The following TEX11 variants were observed in gnomAD, a reference collection of about 807,000 sequenced individuals.
TEX11 encodes the protein testis-expressed protein 11.
TEX11 carries 7 observed loss-of-function variants against 84.4 expected under a neutral mutation model. That is an observed-to-expected ratio of 0.08 (90% CI 0.05 to 0.16). TEX11 has a LOEUF of 0.16. Ranked by LOEUF, TEX11 falls within the 10% of genes least tolerant of loss-of-function variation. The pLI, the probability that TEX11 is intolerant of heterozygous loss-of-function variation, is 1.00. For synonymous variants in TEX11, 264 were observed against 222.8 expected (o/e 1.18, Z -1.64); for missense variants, 551 against 660.5 (o/e 0.83, Z 1.82).
At chrX:70,778,906 T>C (rs1020409314) in intron 9 of TEX11, among the ~76,000 whole-genome samples, 1 of 110,709 alleles carries the variant, frequency 9.0e-6, no homozygotes, top group Non-Finnish European at 1.9e-5. Context: ...GGTCAATGAA[T>C]AACTTAAAAG....
intron 2 of TEX11, among the ~76,000 whole-genome samples, chrX:70,893,423 A>G (rs2091749983): frequency 8.9e-6 from 1 of 112,100 alleles, no homozygotes; most frequent in Non-Finnish European, 1.9e-5. Context: ...AAACTCACTC[A>G]AAACCACACA....
chrX:70,723,657 C>T (rs1456123902), intron 12 of TEX11, among the ~76,000 whole-genome samples: 2 of 111,655 alleles, frequency 1.8e-5, no homozygotes, highest in East Asian at 5.6e-4. Context: ...AACAAATATT[C>T]CTGCTGTCAA....
At chrX:70,752,012 A>C (rs1287000676) in intron 9 of TEX11, among the ~76,000 whole-genome samples, 1 of 112,526 alleles carries the variant, frequency 8.9e-6, no homozygotes, top group Admixed American at 9.4e-5. Context: ...TTAACACAAA[A>C]GAGCAGATTG....
chrX:70,792,330 A>ATATATG (rs2091127600), intron 9 of TEX11, among the ~76,000 whole-genome samples: 2 of 8,050 alleles, frequency 2.5e-4, no homozygotes. Context: ...ATATATATAT[A>ATATATG]TATATATATA....
intron 17 of TEX11, among the ~76,000 whole-genome samples, chrX:70,632,004 T>C (rs1314494370): frequency 1.1e-5 from 1 of 87,878 alleles, no homozygotes; most frequent in Non-Finnish European, 2.2e-5. Context: ...ATTAGATGAG[T>C]TTCAGTGTTA....
chrX:70,722,677 A>G lies in TEX11; in HGVS notation c.945T>C (p.His315=). Residue 315 remains histidine (H), a synonymous_variant, in exon 13 of 30, where the codon CAT becomes CAC. Transcript: ENST00000374333. ...GACAGAAGTCTAAGGGCATGTCAAG[A>G]TGTAGTATTTCCATGACAGCTAACA... ...ELLEAVMEIL[H]LDMPLDFCLN... 1 of 1,199,096 alleles carries G rather than the reference A, an allele frequency of 8.3e-7. No homozygotes were observed. The highest frequency in any genetic ancestry group is 1.1e-6 in the Non-Finnish European group (1 of 884,610).
chrX:70,732,980 C>G (rs1257789921), intron 11 of TEX11, among the ~76,000 whole-genome samples: 1 of 111,509 alleles, frequency 9.0e-6, no homozygotes, highest in African/African-American at 3.3e-5. Flanking sequence ...CAGAACAGAG[C>G]CCTCAGAAAT....
rs190139620 is a variant in TEX11, at chrX:70,617,944, A to G, written c.1751+6006T>C. 8.7e-4 allele frequency among the ~76,000 whole-genome samples: 98 copies of G among 112,291 alleles called. 1 individual carries two copies. Among genetic ancestry groups the G allele is most frequent in the East Asian group, 8.4e-4 (3 of 3,579 alleles). On this transcript the variant is annotated intron_variant, in intron 20 of 29. Coordinates refer to ENST00000374333, the MANE Select transcript of TEX11 (RefSeq NM_031276.3). ...ATTGTCATTGGGACAGTGCCCTATA[A>G]ACAGTTCTCAACTGATTGACAAAGA...
At chrX:70,570,263 C>T (rs924041343) in intron 25 of TEX11, among the ~76,000 whole-genome samples, 7 of 112,323 alleles carry the variant, frequency 6.2e-5, no homozygotes, top group Middle Eastern at 4.6e-3. Flanking sequence ...GTCAGAAAAG[C>T]GCAGTATTGG....
At chrX:70,774,023 A>G (rs1159102953) in intron 9 of TEX11, among the ~76,000 whole-genome samples, 4 of 110,104 alleles carry the variant, frequency 3.6e-5, no homozygotes, top group Non-Finnish European at 7.6e-5. Context: ...CCCTGAAAAT[A>G]ACATAGAGAG....
At chrX:70,734,986 A>G (rs2090684775) in intron 11 of TEX11, among the ~76,000 whole-genome samples, 1 of 112,388 alleles carries the variant, frequency 8.9e-6, no homozygotes, top group Non-Finnish European at 1.9e-5. Context: ...AAAATTAGAA[A>G]AGAAAAAGAG....
intron 28 of TEX11, among the ~76,000 whole-genome samples, chrX:70,547,934 G>T (rs1372946827): frequency 9.0e-6 from 1 of 111,681 alleles, no homozygotes; most frequent in African/African-American, 3.3e-5. Context: ...TACCCAAAGG[G>T]CTATAAATCA....
intron 24 of TEX11, among the ~76,000 whole-genome samples, chrX:70,599,383 G>A (rs2089058031): frequency 9.0e-6 from 1 of 111,614 alleles, no homozygotes; most frequent in Non-Finnish European, 1.9e-5. Context: ...CTCATACTCA[G>A]AAGGGTAGAG....
chrX:70,539,038 A>ATTTTTT (rs775537536), intron 28 of TEX11, among the ~76,000 whole-genome samples: 7 of 41,245 alleles, frequency 1.7e-4, no homozygotes, highest in Admixed American at 5.4e-4. Flanking sequence ...ATATATATAT[A>ATTTTTT]TTTTTTTTTT....
chrX:70,529,896 C>T lies in TEX11; in HGVS notation c.2624G>A (p.Cys875Tyr). Residue 875 changes from cysteine (C) to tyrosine (Y), a missense_variant, in exon 29 of 30, where the codon TGT becomes TAT. By Grantham distance (194) the Cys-to-Tyr change is radical. Coordinates refer to ENST00000374333, the MANE Select transcript of TEX11 (RefSeq NM_031276.3). ...RSKYASAEKW[C>Y]GLALRFLNHL... The stretch of plus-strand genomic sequence containing the variant: ...GTTAAGGAAACGCAAGGCCAGGCCA[C>T]ACCACTTTTCAGCAGATGCATACTT... The T allele has an allele frequency of 8.3e-7, 1 of 1,211,612 alleles. No individual in the cohort carries two copies. Among genetic ancestry groups the T allele is most frequent in the Non-Finnish European group, 1.1e-6 (1 of 895,512 alleles).
chrX:70,866,765 C>T (rs1330875899), intron 4 of TEX11, among the ~76,000 whole-genome samples: 3 of 111,918 alleles, frequency 2.7e-5, no homozygotes, highest in Non-Finnish European at 5.6e-5. Context: ...AAACGTAATC[C>T]GTCGCATAAA....
chrX:70,785,021 C>A (rs1338070652), intron 9 of TEX11, among the ~76,000 whole-genome samples: 3 of 111,897 alleles, frequency 2.7e-5, no homozygotes, highest in Admixed American at 9.6e-5. Flanking sequence ...ATTGCCAAGA[C>A]AATCCTAAGC....
chrX:70,529,267 T>C (rs1262615280), intron 29 of TEX11, 80 bp from the exon 30 acceptor site: 1 of 725,572 alleles, frequency 1.4e-6, no homozygotes, highest in Non-Finnish European at 2.1e-6. Context: ...GGTGATGGCA[T>C]GAAAGTCTAA....
intron 8 of TEX11, among the ~76,000 whole-genome samples, chrX:70,817,214 T>C (rs2091291420): frequency 2.0e-5 from 2 of 100,465 alleles, no homozygotes; most frequent in Non-Finnish European, 4.0e-5. Flanking sequence ...CACACATATT[T>C]ATATACACAT....
Sources: allele counts gnomAD v4.1 joint callset (sites outside exome capture counted in the v4.1 genomes callset), GRCh38; gene constraint gnomAD v4.1.1; transcripts MANE v1.5; gene names NCBI Gene and HGNC (gene_info 2026-07-23, HGNC 2026-07-21).